XPR1: variants seen among roughly 807,000 people sequenced by gnomAD.
XPR1 encodes xenotropic and polytropic retrovirus receptor 1.
In XPR1, 28 loss-of-function variants were observed where a neutral mutation model predicts 87.5. The observed-to-expected ratio is 0.32, with a 90% CI of 0.24 to 0.44. The LOEUF (loss-of-function observed/expected upper bound fraction) is 0.44. Among genes scored for constraint, XPR1 ranks in the 20% least tolerant of loss-of-function variants. The pLI is 1.00. For synonymous variants in XPR1, 300 were observed against 306.1 expected (o/e 0.98, Z 0.21); for missense variants, 559 against 862.3 (o/e 0.65, Z 4.41).
chr1:180,753,062 A>T lies in XPR1; in HGVS notation c.122-34691A>T, dbSNP rs993419887. ...GAAAGAACATTGTGTTGGCAGCATG[A>T]TCTGAATTTGAATCCATATTCTGCC... is the stretch of plus-strand genomic sequence containing the variant. On this transcript the variant is annotated intron_variant, in intron 2 of 14. Transcript: ENST00000367590. Among the ~76,000 whole-genome samples, 70 of 152,210 alleles carry T rather than the reference A, an allele frequency of 4.6e-4. 1 individual carries two copies. Among genetic ancestry groups the T allele is most frequent in the Admixed American group, 1.3e-4 (2 of 15,278 alleles).
intron 2 of XPR1, among the ~76,000 whole-genome samples, chr1:180,761,637 A>G (rs932530314): frequency 6.6e-6 from 1 of 152,176 alleles, no homozygotes; most frequent in African/African-American, 2.4e-5. Context: ...GCTGGAGAGG[A>G]TGTGGAGAAA....
intron 11 of XPR1, among the ~76,000 whole-genome samples, chr1:180,857,435 G>C (rs1481412778): frequency 6.6e-6 from 1 of 152,076 alleles, no homozygotes; most frequent in Non-Finnish European, 1.5e-5. Context: ...TTGTGTACCT[G>C]GTACCTAGAA....
chr1:180,653,297 G>A (rs1655352013), intron 1 of XPR1, among the ~76,000 whole-genome samples: 2 of 152,258 alleles, frequency 1.3e-5, no homozygotes, highest in South Asian at 4.1e-4. Context: ...GAGGTGGAAG[G>A]TGATGTCATT....
chr1:180,864,717 G>A (rs1259868439), intron 12 of XPR1, among the ~76,000 whole-genome samples: 1 of 152,028 alleles, frequency 6.6e-6, no homozygotes, highest in African/African-American at 2.4e-5. Flanking sequence ...GAATTAAAAA[G>A]TCAAAAAATC....
intron 13 of XPR1, among the ~76,000 whole-genome samples, chr1:180,874,247 T>C (rs1652591287): frequency 1.3e-5 from 2 of 152,176 alleles, no homozygotes. Flanking sequence ...ACTTAAAAGC[T>C]TCTTTAGAAC....
intron 1 of XPR1, among the ~76,000 whole-genome samples, chr1:180,680,049 G>A (rs1656512721): frequency 6.6e-6 from 1 of 151,940 alleles, no homozygotes; most frequent in Non-Finnish European, 1.5e-5. Flanking sequence ...AAAAAAAATT[G>A]ATTTAAAAAT....
intron 3 of XPR1, among the ~76,000 whole-genome samples, chr1:180,795,635 G>A (rs1051923490): frequency 2.6e-5 from 4 of 152,006 alleles, no homozygotes; most frequent in African/African-American, 4.8e-5. Flanking sequence ...TATTTCTTTT[G>A]TCCTAGAAGC....
chr1:180,682,521 T>A, intron 2 of XPR1, 110 bp downstream of exon 2: 1 of 597,382 alleles, frequency 1.7e-6, no homozygotes, highest in Non-Finnish European at 2.6e-6. Context: ...ATTATATAGG[T>A]CTTTTTTTCC....
At chr1:180,760,756 A>G (rs1012036288) in intron 2 of XPR1, among the ~76,000 whole-genome samples, 2 of 152,154 alleles carry the variant, frequency 1.3e-5, no homozygotes, top group African/African-American at 4.8e-5. Context: ...ACAGAATTGG[A>G]AAAACCTACT....
intron 2 of XPR1, among the ~76,000 whole-genome samples, chr1:180,705,676 A>C (rs1657532192): frequency 6.6e-6 from 1 of 152,218 alleles, no homozygotes; most frequent in Middle Eastern, 3.2e-3. Flanking sequence ...ATCCTCTAAC[A>C]TGTTAGCAAA....
intron 1 of XPR1, among the ~76,000 whole-genome samples, chr1:180,673,344 T>C (rs960819113): frequency 1.3e-5 from 2 of 152,242 alleles, no homozygotes; most frequent in Non-Finnish European, 2.9e-5. Flanking sequence ...ATAATTAGGA[T>C]ACATTATTAT....
At chr1:180,805,072 TG>T (rs1297875267) in intron 4 of XPR1, among the ~76,000 whole-genome samples, 1 of 152,182 alleles carries the variant, frequency 6.6e-6, no homozygotes, top group Non-Finnish European at 1.5e-5. Context: ...TTCTATTCTT[TG>T]GGGGTCATCT....
At chr1:180,879,392 T>C (rs1283375731) in intron 13 of XPR1, among the ~76,000 whole-genome samples, 4 of 152,232 alleles carry the variant, frequency 2.6e-5, no homozygotes, top group African/African-American at 9.6e-5. Context: ...ATTTAAACTA[T>C]GGGTTATAAG....
chr1:180,856,460 C>CCCCAGTCTGT (rs1571898620), intron 11 of XPR1, among the ~76,000 whole-genome samples: 1 of 152,164 alleles, frequency 6.6e-6, no homozygotes, highest in Non-Finnish European at 1.5e-5. Flanking sequence ...CTGTGTGACT[C>CCCCAGTCTGT]CCCAGTCTGT....
At position 180,709,391 on chromosome 1, in the gene XPR1, A is replaced by G. The variant is rs575867132; in HGVS notation, c.121+26980A>G. 3.7e-4 allele frequency among the ~76,000 whole-genome samples: 57 copies of G among 152,256 alleles called. 1 individual carries two copies. The highest frequency in any genetic ancestry group is 6.9e-4 in the Non-Finnish European group (47 of 68,038). ...GCGAAACCATAACCACACTCAAGAT[A>G]GTGAACATATCCATCACCCCCAAGA... On this transcript the variant is annotated intron_variant, in intron 2 of 14. Transcript: ENST00000367590.
chr1:180,829,188 T>G (rs1279062914), intron 9 of XPR1, among the ~76,000 whole-genome samples: 1 of 152,166 alleles, frequency 6.6e-6, no homozygotes, highest in African/African-American at 2.4e-5. Flanking sequence ...AATTAAAACT[T>G]CATCTTCTTA....
intron 1 of XPR1, among the ~76,000 whole-genome samples, chr1:180,640,967 A>G (rs1654943235): frequency 6.6e-6 from 1 of 152,210 alleles, no homozygotes; most frequent in South Asian, 2.1e-4. Context: ...GATTCAGGTT[A>G]TATGGTTTTG....
intron 1 of XPR1, among the ~76,000 whole-genome samples, chr1:180,671,535 A>AT (rs112568249): frequency 0.04 from 6,138 of 151,904 alleles, 433 homozygotes; most frequent in African/African-American, 0.14. Context: ...ATATATATAT[A>AT]TTTTTTTGAG....
At chr1:180,662,641 T>G (rs1379147306) in intron 1 of XPR1, among the ~76,000 whole-genome samples, 1 of 152,188 alleles carries the variant, frequency 6.6e-6, no homozygotes, top group African/African-American at 2.4e-5. Flanking sequence ...TTCTATAACC[T>G]TCTTGTAGTT....
Sources: gnomAD v4.1 joint callset for allele counts (sites outside exome capture counted in the v4.1 genomes callset) on GRCh38, gnomAD v4.1.1 for gene constraint, MANE v1.5 for transcripts, NCBI Gene and HGNC (gene_info 2026-07-23, HGNC 2026-07-21) for gene names.